MAF: variants seen among roughly 807,000 people sequenced by gnomAD.
MAF encodes MAF bZIP transcription factor.
Under a neutral mutation model 22.0 loss-of-function variants are expected in MAF, and 10 were observed. That is an observed-to-expected ratio of 0.45 (90% CI 0.28 to 0.77). The LOEUF (loss-of-function observed/expected upper bound fraction) is 0.77. Among genes scored for constraint, MAF ranks in the 30% least tolerant of loss-of-function variants. MAF has a pLI of 0.12. For synonymous variants in MAF, 337 were observed against 255.8 expected (o/e 1.32, Z -3.03); for missense variants, 544 against 548.4 (o/e 0.99, Z 0.08).
At chr16:79,435,831 C>T in the MAF span, among the ~76,000 whole-genome samples, 18 of 152,260 alleles carry the variant, frequency 1.2e-4, no homozygotes, top group African/African-American at 3.8e-4. Flanking sequence ...AACTTGAACT[C>T]GAACAAAGGC....
the MAF span, among the ~76,000 whole-genome samples, chr16:79,255,193 G>T: frequency 6.6e-6 from 1 of 152,160 alleles, no homozygotes; most frequent in Admixed American, 6.5e-5. Flanking sequence ...TGACACACAC[G>T]TTTGACTGAC....
the MAF span, among the ~76,000 whole-genome samples, chr16:79,573,060 C>T: frequency 6.6e-6 from 1 of 152,198 alleles, no homozygotes; most frequent in Non-Finnish European, 1.5e-5. Context: ...ATTGGCCATT[C>T]ATGTGTATTT....
chr16:79,280,898 A>T, the MAF span, among the ~76,000 whole-genome samples: 2 of 152,212 alleles, frequency 1.3e-5, no homozygotes, highest in Non-Finnish European at 2.9e-5. Context: ...GACTCTGAAG[A>T]TTTAGTTTCC....
At chr16:79,455,722 T>C in the MAF span, among the ~76,000 whole-genome samples, 4 of 152,162 alleles carry the variant, frequency 2.6e-5, no homozygotes, top group Admixed American at 6.5e-5. Flanking sequence ...TTTTTAGCAA[T>C]AAAAACAAAT....
the MAF span, among the ~76,000 whole-genome samples, chr16:79,370,306 G>A: frequency 6.6e-6 from 1 of 152,168 alleles, no homozygotes; most frequent in African/African-American, 2.4e-5. Context: ...AGTGGGCAAG[G>A]AAAGAAGAGC....
chr16:79,234,114 G>T, the MAF span, among the ~76,000 whole-genome samples: 10 of 151,992 alleles, frequency 6.6e-5, no homozygotes, highest in Non-Finnish European at 1.3e-4. Context: ...CCTGGAGTAA[G>T]CACCCTCTTC....
At chr16:79,568,850 C>A in the MAF span, among the ~76,000 whole-genome samples, 1 of 152,170 alleles carries the variant, frequency 6.6e-6, no homozygotes, top group South Asian at 2.1e-4. Flanking sequence ...TTACTGAGCA[C>A]TTCTAGGGGC....
chr16:79,544,143 T>C, the MAF span, among the ~76,000 whole-genome samples: 21 of 152,138 alleles, frequency 1.4e-4, no homozygotes, highest in African/African-American at 4.8e-4. Flanking sequence ...GGGGGAAAGT[T>C]TGCACAGAGA....
At chr16:79,227,215 G>T in the MAF span, among the ~76,000 whole-genome samples, 3 of 152,016 alleles carry the variant, frequency 2.0e-5, no homozygotes, top group Non-Finnish European at 4.4e-5. Flanking sequence ...TCCAGGCATG[G>T]CGGCACACAC....
chr16:79,272,359 C>T, the MAF span, among the ~76,000 whole-genome samples: 49 of 152,220 alleles, frequency 3.2e-4, no homozygotes, highest in African/African-American at 9.6e-4. Flanking sequence ...CCCTTTAGTA[C>T]GAGCCCAAGA....
At chr16:79,365,441 A>G in the MAF span, among the ~76,000 whole-genome samples, 1 of 152,234 alleles carries the variant, frequency 6.6e-6, no homozygotes, top group Non-Finnish European at 1.5e-5. Context: ...AGCCTAGTAC[A>G]GTGCCAGGGA....
the MAF span, among the ~76,000 whole-genome samples, chr16:79,365,931 C>G: frequency 2.6e-5 from 4 of 152,250 alleles, no homozygotes; most frequent in Non-Finnish European, 4.4e-5. Flanking sequence ...CCTGTTTGGA[C>G]TTTATGACTC....
At chr16:79,384,451 G>GAAAAAAA in the MAF span, among the ~76,000 whole-genome samples, 2 of 109,782 alleles carry the variant, frequency 1.8e-5, no homozygotes, top group Non-Finnish European at 3.5e-5. Context: ...GTCTCAAAAA[G>GAAAAAAA]AAAAAAAAAA....
At chr16:79,317,781 A>G in the MAF span, among the ~76,000 whole-genome samples, 1 of 152,166 alleles carries the variant, frequency 6.6e-6, no homozygotes, top group African/African-American at 2.4e-5. Context: ...ATGCTAGCCC[A>G]CTGGACACAT....
At chr16:79,299,034 C>T in the MAF span, among the ~76,000 whole-genome samples, 2 of 152,242 alleles carry the variant, frequency 1.3e-5, no homozygotes, top group South Asian at 4.1e-4. Flanking sequence ...CCTTGTGGTG[C>T]TGATGGGCAC....
the MAF span, among the ~76,000 whole-genome samples, chr16:79,420,442 G>T: frequency 6.6e-6 from 1 of 152,180 alleles, no homozygotes; most frequent in Admixed American, 6.5e-5. Context: ...TGGCTTCTTG[G>T]CTTTTCTTTT....
At chr16:79,346,504 GA>G in the MAF span, among the ~76,000 whole-genome samples, 8 of 151,054 alleles carry the variant, frequency 5.3e-5, no homozygotes, top group African/African-American at 9.7e-5. Context: ...TAACGGCAAA[GA>G]AAAAAAAACC....
chr16:79,378,291 G>A, the MAF span, among the ~76,000 whole-genome samples: 5 of 152,250 alleles, frequency 3.3e-5, no homozygotes, highest in South Asian at 1.0e-3. Flanking sequence ...ATACAGCAAT[G>A]CCAGTGGACT....
At chr16:79,438,881 T>C in the MAF span, among the ~76,000 whole-genome samples, 4 of 152,138 alleles carry the variant, frequency 2.6e-5, no homozygotes, top group Non-Finnish European at 5.9e-5. Context: ...AGACACCACT[T>C]TTCATCCCTG....
Sources: allele counts gnomAD v4.1 joint callset (sites outside exome capture counted in the v4.1 genomes callset), GRCh38; gene constraint gnomAD v4.1.1; transcripts MANE v1.5; gene names NCBI Gene and HGNC (gene_info 2026-07-23, HGNC 2026-07-21).